Variants in KIF16B observed in about 807,000 individuals in gnomAD.
KIF16B encodes the protein kinesin family member 16B, also known as kinesin-like protein KIF16B.
Under a neutral mutation model 156.3 loss-of-function variants are expected in KIF16B, and 98 were observed. The observed-to-expected ratio is 0.63, with a 90% CI of 0.53 to 0.74. The LOEUF is 0.74. Among genes scored for constraint, KIF16B ranks in the 30% least tolerant of loss-of-function variants. The pLI is 0.00. For synonymous variants in KIF16B, 564 were observed against 583.7 expected, an observed-to-expected ratio of 0.97 and a Z score of 0.49; for missense variants, 1,421 against 1,606.5, an observed-to-expected ratio of 0.88 and a Z score of 1.97.
intron 10 of KIF16B, among the ~76,000 whole-genome samples, chr20:16,499,777 C>T (rs1350529744): frequency 6.6e-6 from 1 of 152,222 alleles, no homozygotes; most frequent in Non-Finnish European, 1.5e-5. Flanking sequence ...TCATGACCAG[C>T]ACCCCTTCTG....
chr20:16,363,784 T>C (rs1431233723), intron 22 of KIF16B, among the ~76,000 whole-genome samples: 2 of 152,226 alleles, frequency 1.3e-5, no homozygotes, highest in Non-Finnish European at 2.9e-5. Flanking sequence ...CACTCCAATC[T>C]ACTTGCAAAG....
intron 22 of KIF16B, chr20:16,366,913 G>A (rs966019366): frequency 8.2e-7 from 1 of 1,221,380 alleles, no homozygotes; most frequent in Non-Finnish European, 1.0e-6. Flanking sequence ...TGAGTTTCAA[G>A]AAAATGAAGC....
At position 16,513,332 on chromosome 20, in the gene KIF16B, T is replaced by C. The variant is rs59433899; in HGVS notation, c.349-409A>G. ...TAGCAATCCCCACGGTAGTTAATAA[T>C]TGCCTTAAAAACTTAGGTAACAAGA... On this transcript the variant is annotated intron_variant, in intron 4 of 25. Coordinates refer to ENST00000354981, the MANE Select transcript of KIF16B (RefSeq NM_024704.5). Among the ~76,000 whole-genome samples, 1,039 of 152,164 alleles carry C rather than the reference T, an allele frequency of 6.8e-3. 8 individuals are homozygous for C. Among genetic ancestry groups the C allele is most frequent in the African/African-American group, 0.022 (918 of 41,510 alleles).
intron 25 of KIF16B, among the ~76,000 whole-genome samples, chr20:16,285,897 G>A (rs2063215635): frequency 6.6e-6 from 1 of 152,112 alleles, no homozygotes; most frequent in African/African-American, 2.4e-5. Context: ...ACTTACACAA[G>A]CAGGTACATA....
chr20:16,290,074 C>T (rs538143960), intron 25 of KIF16B, among the ~76,000 whole-genome samples: 5 of 152,290 alleles, frequency 3.3e-5, no homozygotes, highest in African/African-American at 1.2e-4. Flanking sequence ...GCTCATGGTT[C>T]CTTCCTTCAC....
At position 16,487,495 on chromosome 20, in the gene KIF16B, AT is replaced by A. The variant is rs985339621; in HGVS notation, c.1302+6795del. Among the ~76,000 whole-genome samples the A allele has an allele frequency of 5.6e-4, 86 of 152,252 alleles. 1 individual carries two copies. Among genetic ancestry groups the A allele is most frequent in the African/African-American group, 2.0e-3 (82 of 41,554 alleles). On this transcript the variant is annotated intron_variant, in intron 12 of 25. Transcript: ENST00000354981. Reference sequence around the variant, plus strand: ...TCCCAATACACATCTTCTCCACAAAATGGAAAACTGCAGGCAGCCAGAGAAA... The same window carrying A: ...TCCCAATACACATCTTCTCCACAAAAGGAAAACTGCAGGCAGCCAGAGAAA...
At chr20:16,569,174 TC>T (rs2071370546) in intron 1 of KIF16B, among the ~76,000 whole-genome samples, 1 of 152,162 alleles carries the variant, frequency 6.6e-6, no homozygotes, top group Non-Finnish European at 1.5e-5. Flanking sequence ...ATCTTGGATA[TC>T]CCAAGCTTCA....
At chr20:16,388,965 C>A (rs907876082) in intron 17 of KIF16B, among the ~76,000 whole-genome samples, 3 of 152,028 alleles carry the variant, frequency 2.0e-5, no homozygotes, top group Admixed American at 1.3e-4. Context: ...AGCTGCAGTG[C>A]GGGTAGATAG....
intron 17 of KIF16B, among the ~76,000 whole-genome samples, chr20:16,387,783 C>T (rs2065263683): frequency 6.6e-6 from 1 of 152,136 alleles, no homozygotes; most frequent in African/African-American, 2.4e-5. Flanking sequence ...TGGTCTGGAG[C>T]AGCTTGGAGG....
intron 12 of KIF16B, among the ~76,000 whole-genome samples, chr20:16,460,605 C>T (rs779500504): frequency 6.6e-6 from 1 of 152,060 alleles, no homozygotes; most frequent in South Asian, 2.1e-4. Flanking sequence ...GGCAATAAAG[C>T]TGTCATTTGA....
chr20:16,294,497 G>A (rs544719868), intron 25 of KIF16B, among the ~76,000 whole-genome samples: 2 of 152,310 alleles, frequency 1.3e-5, no homozygotes, highest in South Asian at 2.1e-4. Flanking sequence ...CACAGAGCAC[G>A]TGCTTCTGAA....
chr20:16,460,559 C>T (rs2146673176), intron 12 of KIF16B, among the ~76,000 whole-genome samples: 1 of 150,890 alleles, frequency 6.6e-6, no homozygotes, highest in Non-Finnish European at 1.5e-5. Context: ...GAGACTCCGT[C>T]TCCAAAAAAA....
intron 17 of KIF16B, among the ~76,000 whole-genome samples, chr20:16,390,620 C>T (rs563697082): frequency 1.8e-4 from 28 of 152,308 alleles, no homozygotes; most frequent in African/African-American, 6.7e-4. Flanking sequence ...CTCATCCATT[C>T]TTCTACCCAG....
chr20:16,504,642 G>T, intron 9 of KIF16B, 95 bp from the exon 10 acceptor site: 1 of 959,246 alleles, frequency 1.0e-6, no homozygotes, highest in Non-Finnish European at 1.6e-6. Context: ...ATTAACCCCA[G>T]GTCATTGGAG....
rs189136978 is a variant in KIF16B, at chr20:16,337,986, T to G, written c.3622-1971A>C. ...ATACTATACTGGGACTCAAGATTCC[T>G]CAGAAAGCCACCTCCAAAAGCCTAG... On this transcript the variant is annotated intron_variant, in intron 23 of 25. Coordinates refer to ENST00000354981, the MANE Select transcript of KIF16B (RefSeq NM_024704.5). 1.1e-4 allele frequency among the ~76,000 whole-genome samples: 17 copies of G among 152,272 alleles called. No individual in the cohort carries two copies. In the East Asian group the frequency reaches 3.3e-3, roughly 29 times the overall value.
intron 17 of KIF16B, among the ~76,000 whole-genome samples, chr20:16,396,308 C>G (rs919311863): frequency 3.3e-5 from 5 of 152,166 alleles, no homozygotes; most frequent in Admixed American, 3.3e-4. Context: ...GTCCCTGTCT[C>G]TGAAAAAACT....
intron 23 of KIF16B, among the ~76,000 whole-genome samples, chr20:16,339,508 G>C (rs2064103373): frequency 6.6e-6 from 1 of 151,992 alleles, no homozygotes; most frequent in Non-Finnish European, 1.5e-5. Context: ...TGACTCCCTG[G>C]ATGCCTGTAC....
At chr20:16,465,676 T>C (rs1237943447) in intron 12 of KIF16B, among the ~76,000 whole-genome samples, 2 of 152,196 alleles carry the variant, frequency 1.3e-5, no homozygotes, top group Non-Finnish European at 2.9e-5. Context: ...CATATATGCT[T>C]AACATTCATT....
intron 14 of KIF16B, among the ~76,000 whole-genome samples, chr20:16,428,031 T>G (rs2066401432): frequency 6.6e-6 from 1 of 152,154 alleles, no homozygotes; most frequent in South Asian, 2.1e-4. Flanking sequence ...CTTACCATCA[T>G]TTATAGCTAC....
Sources: gnomAD v4.1 joint callset for allele counts (sites outside exome capture counted in the v4.1 genomes callset) on GRCh38, gnomAD v4.1.1 for gene constraint, MANE v1.5 for transcripts, NCBI Gene and HGNC (gene_info 2026-07-23, HGNC 2026-07-21) for gene names.